The following ROBO2 variants were observed in gnomAD, a reference collection of about 807,000 sequenced individuals.
The protein encoded by ROBO2 is roundabout homolog 2.
In ROBO2, 53 loss-of-function variants were observed where a neutral mutation model predicts 160.8. The ratio of observed to expected loss-of-function variants is 0.33; its 90% CI spans 0.26 to 0.41. The LOEUF is 0.41. Among genes scored for constraint, ROBO2 ranks in the 10% least tolerant of loss-of-function variants. ROBO2 has a pLI of 1.00. For missense variants in ROBO2, 1,577 were observed against 1,722.4 expected (o/e 0.92, Z 1.49); for synonymous variants, 664 against 611.7 (o/e 1.09, Z -1.26).
intron 2 of ROBO2, among the ~76,000 whole-genome samples, chr3:76,306,259 AT>A (rs567145986): frequency 2.2e-4 from 33 of 151,966 alleles, no homozygotes; most frequent in Non-Finnish European, 4.3e-4. Context: ...AATTTGATGT[AT>A]TTTTTTTCAA....
At chr3:76,258,837 T>C (rs1208057350) in intron 2 of ROBO2, among the ~76,000 whole-genome samples, 1 of 152,118 alleles carries the variant, frequency 6.6e-6, no homozygotes, top group East Asian at 1.9e-4. Context: ...CTCCCTTATT[T>C]TTTTCTACTA....
At chr3:77,610,099 A>G (rs2094598710) in intron 21 of ROBO2, among the ~76,000 whole-genome samples, 1 of 151,640 alleles carries the variant, frequency 6.6e-6, no homozygotes, top group Non-Finnish European at 1.5e-5. Flanking sequence ...CCATTTTTTG[A>G]TATTCTTTAT....
chr3:77,334,960 G>A (rs1200177505), intron 2 of ROBO2, among the ~76,000 whole-genome samples: 1 of 152,132 alleles, frequency 6.6e-6, no homozygotes, highest in Non-Finnish European at 1.5e-5. Context: ...AGTGAGAAAT[G>A]TGGACCTTTG....
At chr3:76,491,072 G>A (rs545104424) in intron 2 of ROBO2, among the ~76,000 whole-genome samples, 2 of 151,834 alleles carry the variant, frequency 1.3e-5, no homozygotes, top group African/African-American at 4.8e-5. Flanking sequence ...CGATTCTCCT[G>A]CTTCAGCCTC....
intron 2 of ROBO2, among the ~76,000 whole-genome samples, chr3:76,783,912 T>C (rs2062816324): frequency 6.6e-6 from 1 of 151,140 alleles, no homozygotes; most frequent in Non-Finnish European, 1.5e-5. Flanking sequence ...CTCTTTTTTA[T>C]TCTTTTATCT....
chr3:76,649,629 A>G (rs955865272), intron 2 of ROBO2, among the ~76,000 whole-genome samples: 8 of 152,318 alleles, frequency 5.3e-5, no homozygotes, highest in East Asian at 3.9e-4. Flanking sequence ...AAAAATTTTT[A>G]TATGGAGAGA....
chr3:76,579,566 A>T (rs2085519768), intron 2 of ROBO2, among the ~76,000 whole-genome samples: 1 of 152,138 alleles, frequency 6.6e-6, no homozygotes, highest in African/African-American at 2.4e-5. Flanking sequence ...TACTGCAAAT[A>T]TTACCTGAGA....
chr3:76,869,111 C>A (rs550478420), intron 2 of ROBO2, among the ~76,000 whole-genome samples: 34 of 152,132 alleles, frequency 2.2e-4, no homozygotes, highest in South Asian at 8.3e-4. Flanking sequence ...CATGCTTATT[C>A]TATAAATGAA....
chr3:77,479,921 C>T (rs1177886876), intron 3 of ROBO2, among the ~76,000 whole-genome samples: 1 of 152,086 alleles, frequency 6.6e-6, no homozygotes, highest in Non-Finnish European at 1.5e-5. Flanking sequence ...GAAGGCAAGA[C>T]ACAATGTACA....
intron 2 of ROBO2, among the ~76,000 whole-genome samples, chr3:75,956,228 A>T (rs1300451966): frequency 6.6e-6 from 1 of 151,770 alleles, no homozygotes; most frequent in Non-Finnish European, 1.5e-5. Flanking sequence ...TCACAGAACT[A>T]TGGCTTCCAA....
chr3:77,310,783 A>G (rs1355599750), intron 2 of ROBO2, among the ~76,000 whole-genome samples: 2 of 151,996 alleles, frequency 1.3e-5, no homozygotes, highest in Non-Finnish European at 2.9e-5. Context: ...TACCAATACA[A>G]TATCTATTTA....
intron 2 of ROBO2, among the ~76,000 whole-genome samples, chr3:76,355,171 A>T (rs1323545127): frequency 6.6e-6 from 1 of 151,720 alleles, no homozygotes; most frequent in Non-Finnish European, 1.5e-5. Flanking sequence ...ACACATTTTA[A>T]TCAGTATTAA....
chr3:76,120,878 A>G (rs1365393144), intron 2 of ROBO2, among the ~76,000 whole-genome samples: 1 of 152,160 alleles, frequency 6.6e-6, no homozygotes, highest in Non-Finnish European at 1.5e-5. Context: ...CAAATACAGA[A>G]CAATACTTGC....
chr3:76,056,409 A>G (rs550976986), intron 2 of ROBO2, among the ~76,000 whole-genome samples: 27 of 152,100 alleles, frequency 1.8e-4, no homozygotes, highest in Non-Finnish European at 3.7e-4. Context: ...ATTGCGTGAT[A>G]TTTTCTTTAA....
intron 2 of ROBO2, among the ~76,000 whole-genome samples, chr3:76,990,325 A>G (rs1433204160): frequency 6.6e-6 from 1 of 152,198 alleles, no homozygotes; most frequent in Non-Finnish European, 1.5e-5. Flanking sequence ...CATATTACAT[A>G]TGCAAAATCA....
At chr3:76,251,830 G>A (rs921321561) in intron 2 of ROBO2, among the ~76,000 whole-genome samples, 10 of 152,050 alleles carry the variant, frequency 6.6e-5, no homozygotes, top group African/African-American at 2.2e-4. Flanking sequence ...GCTGTCAGGT[G>A]CAGATTTCTT....
chr3:76,418,941 A>G (rs565913011), intron 2 of ROBO2, among the ~76,000 whole-genome samples: 5 of 152,172 alleles, frequency 3.3e-5, no homozygotes, highest in Non-Finnish European at 5.9e-5. Flanking sequence ...ATGCAGTACA[A>G]TCTTCTTTTT....
intron 24 of ROBO2, among the ~76,000 whole-genome samples, chr3:77,637,336 C>T (rs2153718964): frequency 6.6e-6 from 1 of 152,310 alleles, no homozygotes; most frequent in South Asian, 2.1e-4. Flanking sequence ...TCCAATCCTG[C>T]AGCCCTATTT....
chr3:77,609,065 T>C (rs2094577285), intron 21 of ROBO2, among the ~76,000 whole-genome samples: 1 of 151,672 alleles, frequency 6.6e-6, no homozygotes. Context: ...AAAATATATA[T>C]ACATATATGC....
Sources: gnomAD v4.1 joint callset for allele counts (sites outside exome capture counted in the v4.1 genomes callset) on GRCh38, gnomAD v4.1.1 for gene constraint, MANE v1.5 for transcripts, NCBI Gene and HGNC (gene_info 2026-07-23, HGNC 2026-07-21) for gene names.